The following KIAA0319L variants were observed in gnomAD, a reference collection of about 807,000 sequenced individuals.
KIAA0319L encodes KIAA0319 like, also known as dyslexia-associated protein KIAA0319-like protein.
In KIAA0319L, 55 loss-of-function variants were observed where a neutral mutation model predicts 120.1. The ratio of observed to expected loss-of-function variants is 0.46; its 90% CI spans 0.37 to 0.57. The LOEUF is 0.57. KIAA0319L is among the 20% of genes least tolerant of loss of function. The pLI, the probability that KIAA0319L is intolerant of heterozygous loss-of-function variation, is 0.00. For synonymous variants in KIAA0319L, 398 were observed against 471.9 expected (o/e 0.84, Z 2.03); for missense variants, 1,049 against 1,255.3 (o/e 0.84, Z 2.48).
At chr1:35,465,776 T>C (rs1450356947) in intron 7 of KIAA0319L, among the ~76,000 whole-genome samples, 1 of 152,122 alleles carries the variant, frequency 6.6e-6, no homozygotes, top group Non-Finnish European at 1.5e-5. Flanking sequence ...AGGAACCTGG[T>C]GGGAGGTAAT....
chr1:35,510,379 C>CTTTTTTTT (rs1045797495), intron 2 of KIAA0319L: 1 of 136,090 alleles, frequency 7.3e-6, no homozygotes, highest in African/African-American at 2.7e-5. Flanking sequence ...ACAGCCCTTT[C>CTTTTTTTT]TTTTTTTTTT....
At chr1:35,555,335 A>T (rs1382190014) in intron 1 of KIAA0319L, among the ~76,000 whole-genome samples, 1 of 152,242 alleles carries the variant, frequency 6.6e-6, no homozygotes, top group African/African-American at 2.4e-5. Flanking sequence ...TACATCCAGC[A>T]AACGACACAG....
chr1:35,441,825 T>C (rs1406450255), intron 19 of KIAA0319L, among the ~76,000 whole-genome samples: 45 of 152,070 alleles, frequency 3.0e-4, no homozygotes, highest in Non-Finnish European at 2.9e-5. Context: ...AAAGTGCATG[T>C]GTGGAAACAT....
At chr1:35,479,475 T>C (rs1374938941) in intron 3 of KIAA0319L, among the ~76,000 whole-genome samples, 1 of 152,224 alleles carries the variant, frequency 6.6e-6, no homozygotes, top group African/African-American at 2.4e-5. Flanking sequence ...CAAAACAATG[T>C]ATACTTTTAC....
At chr1:35,535,856 A>C (rs1284010548) in intron 2 of KIAA0319L, among the ~76,000 whole-genome samples, 4 of 152,114 alleles carry the variant, frequency 2.6e-5, no homozygotes, top group Admixed American at 1.3e-4. Context: ...GCCCTCTTTA[A>C]GTGCTGGGGT....
At chr1:35,556,419 C>A (rs1648060472) in intron 1 of KIAA0319L, 2 of 152,206 alleles carry the variant, frequency 1.3e-5, no homozygotes, top group Non-Finnish European at 2.9e-5. Flanking sequence ...GAATAAAGCT[C>A]TTTTTTAAAA....
At chr1:35,540,379 T>A (rs1438099176) in intron 2 of KIAA0319L, among the ~76,000 whole-genome samples, 1 of 152,188 alleles carries the variant, frequency 6.6e-6, no homozygotes, top group Non-Finnish European at 1.5e-5. Flanking sequence ...TCACCTAAGA[T>A]CCTGAGTAAC....
chr1:35,479,966 A>AAAAAAC (rs1644090773), intron 3 of KIAA0319L, among the ~76,000 whole-genome samples: 5 of 130,806 alleles, frequency 3.8e-5, no homozygotes, highest in African/African-American at 1.3e-4. Flanking sequence ...AAAAAAAAAA[A>AAAAAAC]AAAAAACACA....
chr1:35,451,517 T>C (rs1642061358), intron 13 of KIAA0319L, 111 bp downstream of exon 13: 1 of 1,057,060 alleles, frequency 9.5e-7, no homozygotes, highest in South Asian at 1.5e-5. Flanking sequence ...CCAACCCTCT[T>C]ACCCACCTCT....
At chr1:35,538,989 C>T (rs1243677096) in intron 2 of KIAA0319L, among the ~76,000 whole-genome samples, 1 of 152,024 alleles carries the variant, frequency 6.6e-6, no homozygotes, top group African/African-American at 2.4e-5. Flanking sequence ...ATAATGGCAA[C>T]ATTTCTCTGC....
In KIAA0319L at chr1:35,444,163, A is replaced by C; in HGVS notation, c.2654T>G (p.Val885Gly). The change falls in exon 17 of 21, where the codon GTC becomes GGC. Residue 885 changes from valine (V) to glycine (G), a missense_variant and splice_region_variant. Coordinates refer to ENST00000325722, the MANE Select transcript of KIAA0319L (RefSeq NM_024874.5). ...LIFRALEVNT[V>G]TCQLNCSDHG... Reference sequence around the variant, plus strand: ...CCCAAATTCCCAGAATTACTCACTGACAGTGTTGACTTCCAAGGCTCTGAA... The same window carrying C: ...CCCAAATTCCCAGAATTACTCACTGCCAGTGTTGACTTCCAAGGCTCTGAA... 1 of 1,594,532 alleles carries C rather than the reference A, an allele frequency of 6.3e-7. No individual in the cohort carries two copies. Among genetic ancestry groups the C allele is most frequent in the Non-Finnish European group, 8.5e-7 (1 of 1,171,110 alleles).
chr1:35,549,382 T>C (rs972697004), intron 2 of KIAA0319L, among the ~76,000 whole-genome samples: 4 of 152,162 alleles, frequency 2.6e-5, no homozygotes, highest in African/African-American at 7.2e-5. Flanking sequence ...AGAGAAAGGA[T>C]TGTATTGTAC....
At chr1:35,499,174 T>C (rs1644913900) in intron 3 of KIAA0319L, among the ~76,000 whole-genome samples, 1 of 152,240 alleles carries the variant, frequency 6.6e-6, no homozygotes, top group Non-Finnish European at 1.5e-5. Context: ...TAAGGAGTTG[T>C]TAAGGGACCC....
At chr1:35,523,203 CTT>C (rs1238771955) in intron 2 of KIAA0319L, among the ~76,000 whole-genome samples, 1 of 152,026 alleles carries the variant, frequency 6.6e-6, no homozygotes, top group East Asian at 1.9e-4. Flanking sequence ...CTAGAACTCT[CTT>C]GACTCCTTTC....
chr1:35,507,201 C>T, intron 2 of KIAA0319L, 66 bp from the exon 3 acceptor site: 1 of 1,435,946 alleles, frequency 7.0e-7, no homozygotes, highest in Non-Finnish European at 9.3e-7. Context: ...CCATAAAGAG[C>T]CCTGAGAACC....
intron 15 of KIAA0319L, 88 bp from the exon 16 acceptor site, chr1:35,448,420 A>G: frequency 8.2e-7 from 1 of 1,224,142 alleles, no homozygotes; most frequent in Non-Finnish European, 1.2e-6. Flanking sequence ...CACAGGAGAG[A>G]AAGGAGTGAG....
intron 4 of KIAA0319L, among the ~76,000 whole-genome samples, chr1:35,478,651 C>T (rs1192534026): frequency 6.6e-6 from 1 of 152,178 alleles, no homozygotes; most frequent in Non-Finnish European, 1.5e-5. Flanking sequence ...TAAGCAAATA[C>T]ACTGATCCAA....
Position 35,448,292 on chromosome 1 carries a change from G to A in KIAA0319L, c.2394C>T (p.Ile798=). 6.2e-7 allele frequency: 1 copy of A among 1,614,110 alleles called. No individual in the cohort carries two copies. Among genetic ancestry groups the A allele is most frequent in the South Asian group, 1.1e-5 (1 of 91,066 alleles). Residue 798 remains isoleucine, a synonymous_variant, in exon 16 of 21, where the codon ATC becomes ATT. Coordinates refer to ENST00000325722, the MANE Select transcript of KIAA0319L (RefSeq NM_024874.5). ...GCCTCTCAGTTAGCTGACTGACGTTGATATCCAAGATGATCTCCACCAGGT... is the reference window on the plus strand; with the variant it reads ...GCCTCTCAGTTAGCTGACTGACGTTAATATCCAAGATGATCTCCACCAGGT... ...KNNLVEIILD[I]NVSQLTERLK...
At chr1:35,537,856 G>A (rs1646642720) in intron 2 of KIAA0319L, among the ~76,000 whole-genome samples, 1 of 152,104 alleles carries the variant, frequency 6.6e-6, no homozygotes, top group Non-Finnish European at 1.5e-5. Flanking sequence ...ATCTGTATCT[G>A]TACAGAAATA....
Sources: allele counts gnomAD v4.1 joint callset (sites outside exome capture counted in the v4.1 genomes callset), GRCh38; gene constraint gnomAD v4.1.1; transcripts MANE v1.5; gene names NCBI Gene and HGNC (gene_info 2026-07-23, HGNC 2026-07-21).